LYSMD2: variants seen among roughly 807,000 people sequenced by gnomAD.
LYSMD2 encodes LysM domain containing 2.
In LYSMD2, 6 loss-of-function variants were observed where a neutral mutation model predicts 17.7. The ratio of observed to expected loss-of-function variants is 0.34; its 90% confidence interval spans 0.19 to 0.67. LYSMD2 has a LOEUF of 0.67. Among genes scored for constraint, LYSMD2 ranks in the 30% least tolerant of loss-of-function variants. The pLI is 0.69. For missense variants in LYSMD2, 237 were observed against 286.7 expected, an observed-to-expected ratio of 0.83 and a Z score of 1.25; for synonymous variants, 102 against 129.8, an observed-to-expected ratio of 0.79 and a Z score of 1.45.
intron 1 of LYSMD2, among the ~76,000 whole-genome samples, chr15:51,728,793 C>T (rs770606804): frequency 1.3e-5 from 2 of 151,744 alleles, no homozygotes; most frequent in African/African-American, 4.9e-5. Flanking sequence ...TCGCTTGAAC[C>T]TGGGAGGCAG....
chr15:51,738,497 A>G (rs1362438892), upstream of LYSMD2, among the ~76,000 whole-genome samples: 1 of 152,106 alleles, frequency 6.6e-6, no homozygotes. Flanking sequence ...CCGTATTGCT[A>G]TTAATATTAT....
rs138624189 is a variant in LYSMD2 at position 51,729,747 on chromosome 15, C to T, written c.274-4626G>A. ...TATTGGGATTACAGGCATGAGCCAC[C>T]GCACCTGGCCTCCTTTGGTATGTTT... On this transcript the variant is annotated intron_variant, in intron 1 of 2. Coordinates refer to ENST00000267838, the MANE Select transcript of LYSMD2 (RefSeq NM_153374.3). 8.9e-3 allele frequency among the ~76,000 whole-genome samples: 1,356 copies of T among 152,234 alleles called. 18 individuals carry two copies. The highest frequency in any genetic ancestry group is 0.031 in the African/African-American group (1,302 of 41,542).
At chr15:51,732,603 A>G (rs2141596108) in intron 1 of LYSMD2, among the ~76,000 whole-genome samples, 1 of 152,344 alleles carries the variant, frequency 6.6e-6, no homozygotes, top group South Asian at 2.1e-4. Flanking sequence ...GATCTTTCCT[A>G]AGTCACTAGC....
At chr15:51,726,019 G>A (rs960588883) in intron 1 of LYSMD2, among the ~76,000 whole-genome samples, 1 of 152,138 alleles carries the variant, frequency 6.6e-6, no homozygotes, top group Non-Finnish European at 1.5e-5. Context: ...CAAAAAAATT[G>A]TATTTCTACT....
chr15:51,728,318 C>T (rs1306189115), intron 1 of LYSMD2, among the ~76,000 whole-genome samples: 1 of 151,328 alleles, frequency 6.6e-6, no homozygotes, highest in Non-Finnish European at 1.5e-5. Context: ...ACTCGGGAGC[C>T]TGAGGCATGA....
At chr15:51,726,889 T>A (rs1294942890) in intron 1 of LYSMD2, among the ~76,000 whole-genome samples, 1 of 152,208 alleles carries the variant, frequency 6.6e-6, no homozygotes, top group African/African-American at 2.4e-5. Context: ...TTCCTGGGAA[T>A]AATGATGGAA....
At chr15:51,748,553 T>A (rs1487006783) in intron 1 of LYSMD2, among the ~76,000 whole-genome samples, 1 of 152,328 alleles carries the variant, frequency 6.6e-6, no homozygotes, top group East Asian at 1.9e-4. Flanking sequence ...GAAAACTCCA[T>A]CTCAAATTGA....
At chr15:51,742,971 T>C (rs1489665723) in intron 1 of LYSMD2, among the ~76,000 whole-genome samples, 1 of 152,166 alleles carries the variant, frequency 6.6e-6, no homozygotes, top group Non-Finnish European at 1.5e-5. Flanking sequence ...CAAAAATACA[T>C]ACATGCATAC....
rs2055617325 is a variant in LYSMD2, at chr15:51,737,366, A to C, written c.257T>G (p.Leu86Arg). The change falls in exon 1 of 3, where the codon CTC (leucine) becomes CGC (arginine). Residue 86 changes from leucine to arginine, a missense_variant. Transcript: ENST00000267838. This position sits in a 1 kb window ranked among gnomAD's most constrained non-coding sequence, Gnocchi z 4.2. ...RAGDTLQGIALKYGVTMEQIK... is the reference protein window; with the variant it reads ...RAGDTLQGIARKYGVTMEQIK... ...CCTGCTCACCGTGACACCGTACTTGAGCGCGATGCCCTGCAGCGTGTCGCC... is the reference window on the plus strand; with the variant it reads ...CCTGCTCACCGTGACACCGTACTTGCGCGCGATGCCCTGCAGCGTGTCGCC... 1 of 1,448,300 alleles carries C rather than the reference A, an allele frequency of 6.9e-7. No homozygotes were observed. 89.7% of individuals were successfully genotyped at this position (1,448,300 alleles called of 1,614,324 possible). A position where few individuals can be genotyped will look rare whatever the true frequency, so the allele number is the denominator to read the frequency against.
At chr15:51,735,021 A>C (rs1389545583) in intron 1 of LYSMD2, among the ~76,000 whole-genome samples, 2 of 152,054 alleles carry the variant, frequency 1.3e-5, no homozygotes, top group Non-Finnish European at 2.9e-5. Context: ...CAAAAAATAC[A>C]AAAATTAGCT....
At chr15:51,735,100 G>A (rs8036648) in intron 1 of LYSMD2, among the ~76,000 whole-genome samples, 6,465 of 152,080 alleles carry the variant, frequency 0.043, 172 homozygotes, top group Non-Finnish European at 0.05. Context: ...CTTGAGCAGC[G>A]GCAGCTGAGG....
At chr15:51,733,629 A>G (rs2055590439) in intron 1 of LYSMD2, among the ~76,000 whole-genome samples, 1 of 152,106 alleles carries the variant, frequency 6.6e-6, no homozygotes, top group African/African-American at 2.4e-5. Flanking sequence ...CAGCTCCATC[A>G]TTCGCCCAGG....
rs143454999 is a variant in LYSMD2, at chr15:51,744,550, T to C, written c.-1+6721A>G. On this transcript the variant is annotated intron_variant, in intron 1 of 2. Coordinates refer to the LYSMD2 transcript ENST00000454181. ...TAAAATGTTGGATTCAATTTTTTAA[T>C]ATTTTGTTGAGGACTTTTACATGTG... Among the ~76,000 whole-genome samples, 852 of 152,280 alleles carry C rather than the reference T, an allele frequency of 5.6e-3. 8 individuals carry two copies. The highest frequency in any genetic ancestry group is 8.6e-3 in the Non-Finnish European group (586 of 67,986).
At chr15:51,733,484 G>A (rs1214160444) in intron 1 of LYSMD2, among the ~76,000 whole-genome samples, 1 of 151,932 alleles carries the variant, frequency 6.6e-6, no homozygotes, top group Non-Finnish European at 1.5e-5. Flanking sequence ...ACATGGCAGG[G>A]AAGTTGGGGA....
Position 51,737,088 on chromosome 15 carries a change from CG to C in LYSMD2, c.273+261del, listed in dbSNP as rs1243097796. Among the ~76,000 whole-genome samples the C allele has an allele frequency of 6.6e-6, 1 of 152,184 alleles. No individual in the cohort carries two copies. The highest frequency in any genetic ancestry group is 1.5e-5 in the Non-Finnish European group (1 of 68,004). Reference sequence around the variant, plus strand: ...GAGCCTGGGCGGGGCACCGGGAACTCGATGCAGCTACCTAGGGAGGGAGCCC... The same window carrying C: ...GAGCCTGGGCGGGGCACCGGGAACTCATGCAGCTACCTAGGGAGGGAGCCC... On this transcript the variant is annotated intron_variant, in intron 1 of 2. Coordinates refer to ENST00000267838, the MANE Select transcript of LYSMD2 (RefSeq NM_153374.3). The surrounding 1 kb of genome is among the most constrained non-coding windows in gnomAD (Gnocchi z 4.2).
intron 1 of LYSMD2, among the ~76,000 whole-genome samples, chr15:51,749,753 G>C (rs2055687481): frequency 6.6e-6 from 1 of 152,236 alleles, no homozygotes; most frequent in Admixed American, 6.5e-5. Context: ...GGCTATGACT[G>C]TAACAAATGT....
At chr15:51,748,695 G>A (rs1224173241) in intron 1 of LYSMD2, among the ~76,000 whole-genome samples, 4 of 152,204 alleles carry the variant, frequency 2.6e-5, no homozygotes, top group Non-Finnish European at 5.9e-5. Context: ...ACAATGGCCA[G>A]AACTGGGTCA....
chr15:51,749,900 T>G (rs1285506859), intron 1 of LYSMD2, among the ~76,000 whole-genome samples: 1 of 152,262 alleles, frequency 6.6e-6, no homozygotes, highest in Non-Finnish European at 1.5e-5. Context: ...TGGCTCAGAT[T>G]TGTCATTCTG....
upstream of LYSMD2, among the ~76,000 whole-genome samples, chr15:51,738,820 A>G (rs1171005717): frequency 6.6e-6 from 1 of 152,178 alleles, no homozygotes; most frequent in African/African-American, 2.4e-5. Flanking sequence ...AACTCCTACA[A>G]TGGCTCTCTG....
Sources: gnomAD v4.1 joint callset for allele counts (sites outside exome capture counted in the v4.1 genomes callset) on GRCh38, gnomAD v4.1.1 for gene constraint, Gnocchi (gnomAD v3.1) non-coding constraint, MANE v1.5 for transcripts, NCBI Gene and HGNC (gene_info 2026-07-23, HGNC 2026-07-21) for gene names.